Variants in FOXN3 observed in about 807,000 individuals in gnomAD.
FOXN3 encodes forkhead box N3.
FOXN3 carries 7 observed loss-of-function variants against 38.4 expected under a neutral mutation model. That is an observed-to-expected ratio of 0.18 (90% CI 0.10 to 0.34). The LOEUF (loss-of-function observed/expected upper bound fraction) is 0.34. Among genes scored for constraint, FOXN3 ranks in the 10% least tolerant of loss-of-function variants. The pLI, the probability that FOXN3 is intolerant of heterozygous loss-of-function variation, is 1.00. For synonymous variants in FOXN3, 230 were observed against 242.2 expected (o/e 0.95, Z 0.47); for missense variants, 456 against 613.4 (o/e 0.74, Z 2.71).
intron 5 of FOXN3, among the ~76,000 whole-genome samples, chr14:89,174,622 C>T (rs1596080528): frequency 1.3e-5 from 2 of 152,144 alleles, no homozygotes; most frequent in African/African-American, 2.4e-5. Flanking sequence ...TAACGAACGT[C>T]ATTGATATGA....
chr14:89,355,423 G>A (rs1207122311), intron 2 of FOXN3, among the ~76,000 whole-genome samples: 1 of 151,646 alleles, frequency 6.6e-6, no homozygotes, highest in Non-Finnish European at 1.5e-5. Context: ...TTTTAGTAGA[G>A]ACGGGGTTTC....
At chr14:89,199,146 T>C (rs964887323) in intron 4 of FOXN3, among the ~76,000 whole-genome samples, 4 of 152,320 alleles carry the variant, frequency 2.6e-5, no homozygotes, top group Middle Eastern at 3.4e-3. Flanking sequence ...ACTTCCCTTT[T>C]GGCTGAAGGT....
intron 3 of FOXN3, among the ~76,000 whole-genome samples, chr14:89,286,627 A>C (rs1490612514): frequency 2.0e-5 from 3 of 152,214 alleles, no homozygotes; most frequent in Non-Finnish European, 4.4e-5. Flanking sequence ...CACCCACCAC[A>C]AAAAATCCTT....
rs146355254 is a variant in FOXN3, at chr14:89,236,150, C to T, written c.745+44800G>A. Among the ~76,000 whole-genome samples, 822 of 152,294 alleles carry T rather than the reference C, an allele frequency of 5.4e-3. 10 individuals are homozygous for T. Among genetic ancestry groups the T allele is most frequent in the African/African-American group, 0.019 (779 of 41,560 alleles). On this transcript the variant is annotated intron_variant, in intron 4 of 5. Coordinates refer to ENST00000557258, the MANE Select transcript of FOXN3 (RefSeq NM_005197.4). ...CTCTCAGCTAAGGAGAAGCACATCT[C>T]CCTAGAGGCCCAACCTATCAAAAGT...
intron 3 of FOXN3, among the ~76,000 whole-genome samples, chr14:89,308,590 G>A (rs771700052): frequency 5.9e-5 from 9 of 152,146 alleles, no homozygotes; most frequent in Non-Finnish European, 1.2e-4. Flanking sequence ...ACCCACATCC[G>A]TGGCCACATA....
intron 1 of FOXN3, among the ~76,000 whole-genome samples, chr14:89,488,501 C>A (rs1381492034): frequency 6.6e-6 from 1 of 151,110 alleles, no homozygotes; most frequent in African/African-American, 2.4e-5. Flanking sequence ...CAAAACAAAA[C>A]AAAAAAATAG....
chr14:89,473,251 C>G (rs1248801077), intron 1 of FOXN3, among the ~76,000 whole-genome samples: 1 of 152,014 alleles, frequency 6.6e-6, no homozygotes, highest in Admixed American at 6.6e-5. Context: ...GGCTTGATCT[C>G]CTGACCTCGT....
At chr14:89,593,409 C>A (rs904307731) in intron 1 of FOXN3, among the ~76,000 whole-genome samples, 5 of 152,110 alleles carry the variant, frequency 3.3e-5, no homozygotes, top group African/African-American at 1.2e-4. Context: ...AAGGCCAAGG[C>A]GGGTAGATCA....
chr14:89,304,434 T>C (rs1887315093), intron 3 of FOXN3, among the ~76,000 whole-genome samples: 3 of 152,020 alleles, frequency 2.0e-5, no homozygotes, highest in Admixed American at 2.0e-4. Flanking sequence ...GATTTCTGAC[T>C]ATGGTGGAGG....
intron 1 of FOXN3, among the ~76,000 whole-genome samples, chr14:89,610,346 A>G (rs1039218714): frequency 2.0e-5 from 3 of 152,204 alleles, no homozygotes; most frequent in Non-Finnish European, 4.4e-5. Flanking sequence ...ACGCCCTGAG[A>G]GCAGTCTTCA....
At chr14:89,377,343 AGGTCTT>A (rs1890516012) in intron 2 of FOXN3, among the ~76,000 whole-genome samples, 1 of 151,946 alleles carries the variant, frequency 6.6e-6, no homozygotes, top group Non-Finnish European at 1.5e-5. Context: ...AAATAAATAA[AGGTCTT>A]AGTGGACAAC....
At chr14:89,552,818 T>C (rs368569287) in intron 1 of FOXN3, among the ~76,000 whole-genome samples, 74 of 152,190 alleles carry the variant, frequency 4.9e-4, no homozygotes, top group African/African-American at 1.8e-3. Flanking sequence ...GAGGCTGCAG[T>C]GGGTGGAGGT....
chr14:89,513,522 G>A (rs1352807341), intron 1 of FOXN3, among the ~76,000 whole-genome samples: 2 of 152,064 alleles, frequency 1.3e-5, no homozygotes, highest in African/African-American at 4.8e-5. Flanking sequence ...TTACAGACAT[G>A]AGATGAGCCA....
chr14:89,367,451 G>A (rs933095614), intron 2 of FOXN3, among the ~76,000 whole-genome samples: 1 of 152,182 alleles, frequency 6.6e-6, no homozygotes, highest in Non-Finnish European at 1.5e-5. Context: ...CATTGTCAGT[G>A]TTATCGATTC....
At chr14:89,316,087 A>G (rs1170888973) in intron 3 of FOXN3, among the ~76,000 whole-genome samples, 2 of 152,204 alleles carry the variant, frequency 1.3e-5, no homozygotes, top group African/African-American at 4.8e-5. Context: ...TGGCCTCTTG[A>G]CTTGCTACAG....
intron 1 of FOXN3, among the ~76,000 whole-genome samples, chr14:89,505,373 T>C (rs1466947080): frequency 1.4e-5 from 2 of 142,092 alleles, no homozygotes; most frequent in African/African-American, 5.2e-5. Flanking sequence ...GCAACCTCCC[T>C]GCCTGTTTCT....
intron 3 of FOXN3, among the ~76,000 whole-genome samples, chr14:89,298,497 G>A (rs1224719173): frequency 2.7e-5 from 4 of 148,252 alleles, no homozygotes; most frequent in African/African-American, 9.9e-5. Context: ...AAAAAAGGCT[G>A]GATAGTACAT....
chr14:89,498,347 A>G (rs1250295629), intron 1 of FOXN3, among the ~76,000 whole-genome samples: 2 of 150,292 alleles, frequency 1.3e-5, no homozygotes, highest in East Asian at 2.0e-4. Flanking sequence ...CTCAGCCTCC[A>G]GAGTAGCTGG....
intron 4 of FOXN3, among the ~76,000 whole-genome samples, chr14:89,268,057 A>T (rs988779382): frequency 6.6e-6 from 1 of 152,132 alleles, no homozygotes; most frequent in Non-Finnish European, 1.5e-5. Context: ...ATCACACTTA[A>T]ACATATATGC....
Sources: allele counts gnomAD v4.1 joint callset (sites outside exome capture counted in the v4.1 genomes callset), GRCh38; gene constraint gnomAD v4.1.1; transcripts MANE v1.5; gene names NCBI Gene and HGNC (gene_info 2026-07-23, HGNC 2026-07-21).